Variants in DLGAP2 observed in about 807,000 individuals in gnomAD.
DLGAP2 encodes the protein disks large-associated protein 2.
Under a neutral mutation model 100.3 loss-of-function variants are expected in DLGAP2, and 26 were observed. That is an observed-to-expected ratio of 0.26 (90% CI 0.19 to 0.36). The LOEUF (loss-of-function observed/expected upper bound fraction) is 0.36, where lower values mean the gene tolerates loss of function less well. DLGAP2 is among the 10% of genes least tolerant of loss of function. The pLI is 1.00. For missense variants in DLGAP2, 1,858 were observed against 1,453.2 expected (o/e 1.28, Z -4.53); for synonymous variants, 886 against 630.1 (o/e 1.41, Z -6.08).
intron 3 of DLGAP2, among the ~76,000 whole-genome samples, chr8:1,466,072 C>A (rs1174630850): frequency 6.6e-6 from 1 of 152,138 alleles, no homozygotes; most frequent in Admixed American, 6.5e-5. Flanking sequence ...GCGCCGTCTG[C>A]TTGTGCTGTC....
intron 3 of DLGAP2, among the ~76,000 whole-genome samples, chr8:1,417,681 G>T (rs1242885764): frequency 7.8e-6 from 1 of 128,658 alleles, no homozygotes; most frequent in African/African-American, 2.6e-5. Context: ...GAGGCTCCAG[G>T]GGGGCACAGG....
At chr8:1,527,753 G>A (rs1311665004) in intron 4 of DLGAP2, among the ~76,000 whole-genome samples, 3 of 152,126 alleles carry the variant, frequency 2.0e-5, no homozygotes, top group African/African-American at 4.8e-5. Context: ...GGACAAGCAG[G>A]ACTCTACCTG....
intron 1 of DLGAP2, among the ~76,000 whole-genome samples, chr8:772,885 T>C (rs190204909): frequency 1.3e-5 from 2 of 152,334 alleles, no homozygotes; most frequent in East Asian, 1.9e-4. Flanking sequence ...CAGAGCTTCC[T>C]AATTCCTCTG....
chr8:1,440,189 T>G (rs1054118425), intron 3 of DLGAP2, among the ~76,000 whole-genome samples: 4 of 152,182 alleles, frequency 2.6e-5, no homozygotes, highest in Non-Finnish European at 1.5e-5. Context: ...CTGATACAAC[T>G]TCCACCAAAT....
chr8:1,657,627 A>G (rs1275747165), intron 8 of DLGAP2, among the ~76,000 whole-genome samples: 1 of 152,240 alleles, frequency 6.6e-6, no homozygotes, highest in Admixed American at 6.5e-5. Context: ...ACAGGGCTGT[A>G]CAGGCACAAC....
intron 2 of DLGAP2, among the ~76,000 whole-genome samples, chr8:917,993 A>G (rs1419566364): frequency 6.6e-6 from 1 of 152,222 alleles, no homozygotes; most frequent in Non-Finnish European, 1.5e-5. Context: ...TGTAGAGTGC[A>G]GAGACAAATT....
intron 1 of DLGAP2, among the ~76,000 whole-genome samples, chr8:799,280 C>T (rs1257223440): frequency 6.6e-6 from 1 of 152,172 alleles, no homozygotes; most frequent in Non-Finnish European, 1.5e-5. Context: ...TGCCCAGGCA[C>T]TTACAGTTTC....
chr8:858,046 A>G (rs1322772011), intron 1 of DLGAP2, among the ~76,000 whole-genome samples: 1 of 152,026 alleles, frequency 6.6e-6, no homozygotes, highest in Non-Finnish European at 1.5e-5. Flanking sequence ...ATTTTGTATT[A>G]GGGTTTCACC....
At chr8:988,285 A>G (rs1800545292) in intron 2 of DLGAP2, among the ~76,000 whole-genome samples, 2 of 152,236 alleles carry the variant, frequency 1.3e-5, no homozygotes, top group African/African-American at 4.8e-5. Flanking sequence ...TTTAAAAAGC[A>G]AATAGATTTT....
intron 3 of DLGAP2, among the ~76,000 whole-genome samples, chr8:1,296,664 G>A (rs1800183779): frequency 6.6e-6 from 1 of 152,170 alleles, no homozygotes; most frequent in African/African-American, 2.4e-5. Flanking sequence ...GCAAATCCTG[G>A]GAACAGAGAA....
At chr8:1,234,135 CA>C (rs890689379) in intron 2 of DLGAP2, among the ~76,000 whole-genome samples, 1 of 152,318 alleles carries the variant, frequency 6.6e-6, no homozygotes, top group Non-Finnish European at 1.5e-5. Context: ...AATTAAGTTT[CA>C]AAGGCTTCTC....
chr8:1,167,893 T>A (rs958534926), intron 2 of DLGAP2, among the ~76,000 whole-genome samples: 1 of 151,074 alleles, frequency 6.6e-6, no homozygotes, highest in African/African-American at 2.4e-5. Context: ...CATTTTTTTT[T>A]ATTATACTTT....
At chr8:1,043,215 T>C (rs1443532663) in intron 2 of DLGAP2, among the ~76,000 whole-genome samples, 1 of 74,402 alleles carries the variant, frequency 1.3e-5, no homozygotes, top group African/African-American at 5.0e-5. Flanking sequence ...GGGTGGTGGG[T>C]GTGGGTGGTG....
chr8:1,559,761 G>A (rs1307547032), intron 5 of DLGAP2, among the ~76,000 whole-genome samples: 2 of 152,290 alleles, frequency 1.3e-5, no homozygotes, highest in Non-Finnish European at 2.9e-5. Flanking sequence ...CTCCCTTCCC[G>A]AACTGAGCTT....
chr8:758,999 A>AACAGCCTTCCCATTATCAATACCCCTG (rs1820991910), intron 1 of DLGAP2, among the ~76,000 whole-genome samples: 2 of 19,222 alleles, frequency 1.0e-4, no homozygotes, highest in African/African-American at 4.0e-4. Flanking sequence ...CAATACCCCC[A>AACAGCCTTCCCATTATCAATACCCCTG]ACAGCCTTCC....
chr8:1,511,105 A>G (rs866989499), intron 4 of DLGAP2, among the ~76,000 whole-genome samples: 8 of 152,394 alleles, frequency 5.2e-5, no homozygotes, highest in Middle Eastern at 3.4e-3. Context: ...ACACTGTGGA[A>G]CCGAAAATAA....
chr8:1,590,795 G>A (rs1021992602), intron 6 of DLGAP2, among the ~76,000 whole-genome samples: 11 of 152,182 alleles, frequency 7.2e-5, no homozygotes, highest in East Asian at 5.8e-4. Context: ...CATCCCGTTC[G>A]GAGGCTCCCT....
intron 3 of DLGAP2, among the ~76,000 whole-genome samples, chr8:1,433,555 ACATTTGAAGAATAGTC>A (rs1309461097): frequency 6.6e-6 from 1 of 152,194 alleles, no homozygotes; most frequent in African/African-American, 2.4e-5. Context: ...GCTGGATGAC[ACATTTGAAGAATAGTC>A]CTAATCAATA....
rs1254132642 is a variant in DLGAP2, at chr8:1,701,673, C to G, written c.*267C>G. ...GCTCTGAGGGACAGGTGTGGCGAGA[C>G]CTGATTTCTCCTGCGTGTTCTCAGA... On this transcript the variant is annotated 3_prime_UTR_variant, in exon 15 of 15. Coordinates refer to ENST00000637795, the MANE Select transcript of DLGAP2 (RefSeq NM_001346810.2). 2.1e-6 allele frequency: 1 copy of G among 483,358 alleles called. No individual in the cohort carries two copies. Among genetic ancestry groups the G allele is most frequent in the Non-Finnish European group, 3.6e-6 (1 of 276,914 alleles). The allele number at this position is 483,358 out of a possible 1,614,324, so 29.9% of individuals were successfully genotyped here. A position where few individuals can be genotyped will look rare whatever the true frequency, so the allele number is the denominator to read the frequency against.
Sources: allele counts gnomAD v4.1 joint callset (sites outside exome capture counted in the v4.1 genomes callset), GRCh38; gene constraint gnomAD v4.1.1; transcripts MANE v1.5; gene names NCBI Gene and HGNC (gene_info 2026-07-23, HGNC 2026-07-21).